NDFIP1: variants seen among roughly 807,000 people sequenced by gnomAD.
NDFIP1 encodes the protein Nedd4 family interacting protein 1.
In NDFIP1, 7 loss-of-function variants were observed where a neutral mutation model predicts 28.8. The ratio of observed to expected loss-of-function variants is 0.24; its 90% CI spans 0.14 to 0.46. The LOEUF is 0.46. Ranked by LOEUF, NDFIP1 falls within the 20% of genes least tolerant of loss-of-function variation. The probability of loss-of-function intolerance (pLI) is 0.99; values close to 1 mark genes in which losing one functional copy is unlikely to be tolerated. For missense variants in NDFIP1, 194 were observed against 269.1 expected (o/e 0.72, Z 1.95); for synonymous variants, 92 against 101.0 (o/e 0.91, Z 0.53).
In NDFIP1 at chr5:142,153,148, G is replaced by A. The variant is rs1001021295; in HGVS notation, c.*1420G>A. 7.7e-6 allele frequency: 3 copies of A among 390,374 alleles called. No individual in the cohort carries two copies. The highest frequency in any genetic ancestry group is 6.3e-5 in the African/African-American group (3 of 47,746). The allele number at this position is 390,374 out of a possible 1,614,324, so 24.2% of individuals were successfully genotyped here. A position where few individuals can be genotyped will look rare whatever the true frequency, so the allele number is the denominator to read the frequency against. On this transcript the variant is annotated 3_prime_UTR_variant, in exon 8 of 8. Coordinates refer to ENST00000253814, the MANE Select transcript of NDFIP1 (RefSeq NM_030571.4). ...CAGTTGAATGCACCAACTGGTTTGA[G>A]TCCTGTGAGCATTCAGTCAGTTGAA...
At chr5:142,116,442 C>G (rs1489623964) in intron 1 of NDFIP1, among the ~76,000 whole-genome samples, 3 of 151,852 alleles carry the variant, frequency 2.0e-5, no homozygotes, top group Non-Finnish European at 4.4e-5. Flanking sequence ...AATCTTGGCA[C>G]ACTGCAACCC....
At position 142,118,457 on chromosome 5, in the gene NDFIP1, G is replaced by A. The variant is rs867931026; in HGVS notation, c.63+9420G>A. ...ATTAGACTGGGGCTGTGGATTTGGG[G>A]GAAGACCACAGGTAAAGTGCTGTTC... On this transcript the variant is annotated intron_variant, in intron 1 of 7. Transcript: ENST00000253814. Among the ~76,000 whole-genome samples the A allele has an allele frequency of 3.9e-5, 6 of 152,220 alleles. 1 individual carries two copies. In the Middle Eastern group the frequency reaches 0.014, roughly 345 times the overall value.
chr5:142,128,000 T>G (rs1757187517), intron 1 of NDFIP1, among the ~76,000 whole-genome samples: 1 of 152,068 alleles, frequency 6.6e-6, no homozygotes, highest in African/African-American at 2.4e-5. Flanking sequence ...TGGTCAGAAA[T>G]TATATGACAG....
intron 7 of NDFIP1, among the ~76,000 whole-genome samples, chr5:142,151,065 G>T (rs189021963): frequency 6.6e-6 from 1 of 152,166 alleles, no homozygotes; most frequent in Non-Finnish European, 1.5e-5. Context: ...AGTAAAATGC[G>T]TAGGCATTAT....
chr5:142,112,496 G>A (rs72799903), intron 1 of NDFIP1, among the ~76,000 whole-genome samples: 41,360 of 145,626 alleles, frequency 0.28, 7,382 homozygotes, highest in Non-Finnish European at 0.39. Context: ...CTGGGATCGC[G>A]CCACTGTACT....
intron 6 of NDFIP1, 112 bp downstream of exon 6, chr5:142,140,741 TTAATAA>T: frequency 1.3e-6 from 1 of 760,008 alleles, no homozygotes; most frequent in Non-Finnish European, 2.0e-6. Flanking sequence ...ATATTAACAA[TTAATAA>T]TAAACATTTT....
intron 4 of NDFIP1, 108 bp from the exon 5 acceptor site, chr5:142,137,626 C>G (rs1757289750): frequency 3.2e-5 from 41 of 1,278,906 alleles, no homozygotes; most frequent in Non-Finnish European, 3.7e-5. Flanking sequence ...GGAGGACAGG[C>G]TGTCTTTTAT....
intron 1 of NDFIP1, among the ~76,000 whole-genome samples, chr5:142,116,429 C>T (rs1042873745): frequency 4.6e-5 from 7 of 151,282 alleles, no homozygotes; most frequent in African/African-American, 7.3e-5. Context: ...AGTGCAGTGG[C>T]GCAATCTTGG....
Position 142,138,422 on chromosome 5 carries a change from T to C in NDFIP1, c.495+564T>C, listed in dbSNP as rs138825538. 4.1e-3 allele frequency among the ~76,000 whole-genome samples: 631 copies of C among 152,330 alleles called. 2 individuals are homozygous for C. Among genetic ancestry groups the C allele is most frequent in the Non-Finnish European group, 6.1e-3 (413 of 68,026 alleles). On this transcript the variant is annotated intron_variant, in intron 5 of 7. Coordinates refer to ENST00000253814, the MANE Select transcript of NDFIP1 (RefSeq NM_030571.4). ...ACTTCAGAGTTACCAGTTAGTTAAATTTGCATGAAGTAATTTACAGTTGTA... is the reference window on the plus strand; with the variant it reads ...ACTTCAGAGTTACCAGTTAGTTAAACTTGCATGAAGTAATTTACAGTTGTA...
chr5:142,112,567 G>A (rs192600153), intron 1 of NDFIP1, among the ~76,000 whole-genome samples: 2 of 146,698 alleles, frequency 1.4e-5, no homozygotes, highest in African/African-American at 2.5e-5. Context: ...CGAGGTGGGC[G>A]GATCACAAGG....
At chr5:142,142,940 A>AAAAAAAATAT (rs60076432) in intron 6 of NDFIP1, 5 of 38,158 alleles carry the variant, frequency 1.3e-4, no homozygotes, top group Admixed American at 4.0e-4. Context: ...AAAAAAAAAA[A>AAAAAAAATAT]ATATATATAT....
In NDFIP1 at chr5:142,144,650, G is replaced by C; in HGVS notation, c.642G>C (p.Arg214Ser). ...CAGAAACTTTCTCAAATCTCCCCAGGACCAGAGTTCTCTTTATTTATTAAA... is the reference window on the plus strand; with the variant it reads ...CAGAAACTTTCTCAAATCTCCCCAGCACCAGAGTTCTCTTTATTTATTAAA... Reference protein sequence around the residue: ...KMPETFSNLPRTRVLFIY With the variant: ...KMPETFSNLPSTRVLFIY The change falls in exon 7 of 8, where the codon AGG becomes AGC. Residue 214 changes from arginine (R) to serine (S), a missense_variant. By Grantham distance (110) the Arg-to-Ser change is moderately radical. Coordinates refer to ENST00000253814, the MANE Select transcript of NDFIP1 (RefSeq NM_030571.4). 1.2e-6 allele frequency: 2 copies of C among 1,610,730 alleles called. No individual in the cohort carries two copies. Among genetic ancestry groups the C allele is most frequent in the Non-Finnish European group, 1.7e-6 (2 of 1,178,048 alleles).
intron 1 of NDFIP1, among the ~76,000 whole-genome samples, chr5:142,112,102 G>A (rs1162826442): frequency 6.6e-6 from 1 of 151,834 alleles, no homozygotes; most frequent in Non-Finnish European, 1.5e-5. Flanking sequence ...AAAATGGCCA[G>A]GCAAGGTGGC....
intron 1 of NDFIP1, among the ~76,000 whole-genome samples, chr5:142,119,480 A>G (rs1757101729): frequency 6.6e-6 from 1 of 152,214 alleles, no homozygotes; most frequent in South Asian, 2.1e-4. Context: ...TTTATAATAC[A>G]GTTATCTTGT....
chr5:142,142,234 C>T (rs80308858), intron 6 of NDFIP1, among the ~76,000 whole-genome samples: 2,268 of 152,180 alleles, frequency 0.015, 49 homozygotes, highest in African/African-American at 0.049. Context: ...AATCATTCAT[C>T]GCACCATCTA....
At chr5:142,138,014 C>T in intron 5 of NDFIP1, 156 bp downstream of exon 5, 1 of 867,824 alleles carries the variant, frequency 1.2e-6, no homozygotes, top group East Asian at 2.8e-5. Context: ...GAACCAAAAT[C>T]ATTTGCAAAT....
chr5:142,122,537 G>A (rs1757131466), intron 1 of NDFIP1, among the ~76,000 whole-genome samples: 1 of 152,148 alleles, frequency 6.6e-6, no homozygotes, highest in South Asian at 2.1e-4. Flanking sequence ...TGCTGGATAT[G>A]TGTAAATTCA....
chr5:142,115,857 A>C (rs1757061976), intron 1 of NDFIP1, among the ~76,000 whole-genome samples: 1 of 152,170 alleles, frequency 6.6e-6, no homozygotes, highest in South Asian at 2.1e-4. Context: ...CTGCAGATTG[A>C]AAATAGGGGA....
intron 1 of NDFIP1, among the ~76,000 whole-genome samples, chr5:142,122,070 A>G (rs1358623523): frequency 6.6e-6 from 1 of 152,250 alleles, no homozygotes; most frequent in Non-Finnish European, 1.5e-5. Flanking sequence ...GTATAAAAAC[A>G]TGTACAATCA....
Sources: gnomAD v4.1 joint callset for allele counts (sites outside exome capture counted in the v4.1 genomes callset) on GRCh38, gnomAD v4.1.1 for gene constraint, MANE v1.5 for transcripts, NCBI Gene and HGNC (gene_info 2026-07-23, HGNC 2026-07-21) for gene names.